NRG1: variants seen among roughly 807,000 people sequenced by gnomAD.
NRG1 encodes the protein pro-neuregulin-1, membrane-bound isoform.
In NRG1, 18 loss-of-function variants were observed where a neutral mutation model predicts 63.8. That is an observed-to-expected ratio of 0.28 (90% confidence interval 0.19 to 0.42). The LOEUF is 0.42. Ranked by LOEUF, NRG1 falls within the 10% of genes least tolerant of loss-of-function variation. The pLI is 1.00. For synonymous variants in NRG1, 302 were observed against 301.3 expected (o/e 1.00, Z -0.02); for missense variants, 762 against 814.7 (o/e 0.94, Z 0.79).
At chr8:32,714,527 GA>G (rs1267987166) in intron 5 of NRG1, among the ~76,000 whole-genome samples, 3 of 152,092 alleles carry the variant, frequency 2.0e-5, no homozygotes, top group Non-Finnish European at 4.4e-5. Flanking sequence ...ACAAATGGGG[GA>G]AAAAATAATG....
intron 1 of NRG1, among the ~76,000 whole-genome samples, chr8:31,816,416 A>G (rs923462953): frequency 6.6e-6 from 1 of 152,184 alleles, no homozygotes; most frequent in Non-Finnish European, 1.5e-5. Flanking sequence ...AATGCTTGTA[A>G]TTCCTTCTTC....
intron 5 of NRG1, among the ~76,000 whole-genome samples, chr8:32,680,266 A>G (rs370313705): frequency 2.6e-5 from 4 of 152,130 alleles, no homozygotes; most frequent in Non-Finnish European, 5.9e-5. Flanking sequence ...ATTAATATAG[A>G]TCTAGGGTGA....
intron 1 of NRG1, among the ~76,000 whole-genome samples, chr8:32,348,287 A>G (rs1460405835): frequency 6.6e-6 from 1 of 151,976 alleles, no homozygotes; most frequent in Admixed American, 6.6e-5. Flanking sequence ...TCTCACTTCC[A>G]TCTATTTCCT....
intron 1 of NRG1, among the ~76,000 whole-genome samples, chr8:32,070,376 T>C (rs1311671142): frequency 1.3e-5 from 2 of 152,202 alleles, no homozygotes; most frequent in Admixed American, 1.3e-4. Flanking sequence ...GACTGCTTGT[T>C]AGATGATATA....
At chr8:32,273,648 C>A (rs1416788240) in intron 1 of NRG1, among the ~76,000 whole-genome samples, 4 of 152,178 alleles carry the variant, frequency 2.6e-5, no homozygotes, top group Non-Finnish European at 4.4e-5. Context: ...TAAGCACCAT[C>A]TTGAAATGTG....
chr8:32,405,059 T>C (rs1361063197), intron 1 of NRG1, among the ~76,000 whole-genome samples: 1 of 152,170 alleles, frequency 6.6e-6, no homozygotes, highest in Non-Finnish European at 1.5e-5. Flanking sequence ...TTGCAGTGAT[T>C]ACAAAGGAAT....
At chr8:31,853,788 C>T (rs983658880) in intron 1 of NRG1, among the ~76,000 whole-genome samples, 2 of 152,044 alleles carry the variant, frequency 1.3e-5, no homozygotes, top group South Asian at 2.1e-4. Context: ...TATGTCCCAT[C>T]GATACCTAAT....
chr8:31,804,961 GT>G (rs1421739477), intron 1 of NRG1, among the ~76,000 whole-genome samples: 2 of 152,180 alleles, frequency 1.3e-5, no homozygotes, highest in African/African-American at 4.8e-5. Flanking sequence ...TACTGGGACT[GT>G]TACTGCTGAG....
At chr8:32,368,152 T>A (rs144956065) in intron 1 of NRG1, among the ~76,000 whole-genome samples, 3 of 152,300 alleles carry the variant, frequency 2.0e-5, no homozygotes, top group African/African-American at 2.4e-5. Context: ...GAGCTATTTT[T>A]AAAAAATACT....
Position 32,369,501 on chromosome 8 carries a change from G to A in NRG1, c.38-226327G>A, listed in dbSNP as rs146799619. Among the ~76,000 whole-genome samples the A allele has an allele frequency of 3.3e-5, 5 of 152,338 alleles. No homozygotes were observed. The East Asian group carries it at 9.7e-4, about 29-fold the overall frequency. ...GAAGATGGTTTCCTCTTGGAACTTGGCCAACTGGCTCACAGCGAACGTGGT... is the reference window on the plus strand; with the variant it reads ...GAAGATGGTTTCCTCTTGGAACTTGACCAACTGGCTCACAGCGAACGTGGT... On this transcript the variant is annotated intron_variant, in intron 1 of 10. Coordinates refer to the NRG1 transcript ENST00000519301.
At chr8:32,348,605 C>A (rs370359439) in intron 1 of NRG1, among the ~76,000 whole-genome samples, 1 of 152,166 alleles carries the variant, frequency 6.6e-6, no homozygotes, top group East Asian at 1.9e-4. Context: ...TAGCCACTTA[C>A]TTACTCAATT....
chr8:32,268,923 G>A (rs1378663468), intron 1 of NRG1, among the ~76,000 whole-genome samples: 1 of 151,988 alleles, frequency 6.6e-6, no homozygotes, highest in East Asian at 1.9e-4. Flanking sequence ...TAAAGAACAG[G>A]GATACATTAC....
Position 31,640,030 on chromosome 8 carries a change from C to T in NRG1, c.37+599C>T, listed in dbSNP as rs1403182625. Reference sequence around the variant, plus strand: ...GCGCCGCTCCGGGCGTCCCGGCCCCCGGGCCCAGCGCCCCGGCTCCGCCGC... The same window carrying T: ...GCGCCGCTCCGGGCGTCCCGGCCCCTGGGCCCAGCGCCCCGGCTCCGCCGC... On this transcript the variant is annotated intron_variant, in intron 1 of 10. Coordinates refer to the NRG1 transcript ENST00000519301. The surrounding 1 kb of genome is among the most constrained non-coding windows in gnomAD (Gnocchi z 6.3). 3.5e-6 allele frequency: 4 copies of T among 1,140,508 alleles called. No individual in the cohort carries two copies. Among genetic ancestry groups the T allele is most frequent in the Non-Finnish European group, 2.1e-6 (2 of 931,398 alleles). The allele number at this position is 1,140,508 out of a possible 1,614,324, so 70.6% of individuals were successfully genotyped here. A position where few individuals can be genotyped will look rare whatever the true frequency, so the allele number is the denominator to read the frequency against.
intron 5 of NRG1, among the ~76,000 whole-genome samples, chr8:32,713,791 TATAAC>T (rs1818447629): frequency 6.8e-6 from 1 of 147,802 alleles, no homozygotes; most frequent in East Asian, 1.9e-4. Flanking sequence ...TATATGTAAT[TATAAC>T]ATAAATATAT....
At chr8:32,532,532 G>T (rs1026716648) in intron 1 of NRG1, among the ~76,000 whole-genome samples, 2 of 151,996 alleles carry the variant, frequency 1.3e-5, no homozygotes, top group Admixed American at 6.5e-5. Context: ...TGTTTATGAA[G>T]CTGCTCTAAT....
chr8:32,451,673 A>G (rs1820962227), intron 1 of NRG1, among the ~76,000 whole-genome samples: 1 of 152,190 alleles, frequency 6.6e-6, no homozygotes, highest in African/African-American at 2.4e-5. Flanking sequence ...TTGATTCTCC[A>G]TGCCTCCTCA....
chr8:31,695,538 G>A (rs1464089433), intron 1 of NRG1, among the ~76,000 whole-genome samples: 3 of 152,094 alleles, frequency 2.0e-5, no homozygotes, highest in Non-Finnish European at 4.4e-5. Context: ...AGAACAACAA[G>A]GGGGAAATCC....
At chr8:32,763,107 C>G (rs1468606646) in intron 11 of NRG1, 1 of 1,148,802 alleles carries the variant, frequency 8.7e-7, no homozygotes, top group Non-Finnish European at 1.3e-6. Flanking sequence ...TGGATAGTTC[C>G]AAATTGAATG....
rs978857492 is a variant in NRG1, at chr8:32,000,213, A to C, written c.37+360782A>C. ...CTGTAATGATGTAGTGGTCTGGGCT[A>C]AACTATTCAGAGCAAGCATTTTAGG... On this transcript the variant is annotated intron_variant, in intron 1 of 10. Transcript: ENST00000519301. 5.3e-5 allele frequency among the ~76,000 whole-genome samples: 8 copies of C among 152,136 alleles called. 1 individual carries two copies. The East Asian group carries it at 1.6e-3, about 30-fold the overall frequency.
Sources: allele counts gnomAD v4.1 joint callset (sites outside exome capture counted in the v4.1 genomes callset), GRCh38; gene constraint gnomAD v4.1.1; non-coding constraint Gnocchi (gnomAD v3.1); transcripts MANE v1.5; gene names NCBI Gene and HGNC (gene_info 2026-07-23, HGNC 2026-07-21).